Variants in VEPH1 observed in about 807,000 individuals in gnomAD.
The protein encoded by VEPH1 is ventricular zone expressed PH domain containing 1, also known as ventricular zone-expressed PH domain-containing protein homolog 1.
A neutral mutation model predicts 85.2 loss-of-function variants in VEPH1; 80 were observed. The observed-to-expected ratio is 0.94, with a 90% confidence interval of 0.78 to 1.13. The LOEUF is 1.13. Ranked by LOEUF, VEPH1 falls within the 50% of genes most tolerant of loss-of-function variation. The pLI, the probability that VEPH1 is intolerant of heterozygous loss-of-function variation, is 0.00. For synonymous variants in VEPH1, 297 were observed against 348.0 expected (o/e 0.85, Z 1.63); for missense variants, 955 against 980.5 (o/e 0.97, Z 0.35).
chr3:157,428,559 A>G, intron 4 of VEPH1, 71 bp from the exon 5 acceptor site: 2 of 1,416,258 alleles, frequency 1.4e-6, no homozygotes, highest in Middle Eastern at 1.8e-4. Context: ...ATTATTACCA[A>G]TGTAATAATA....
At chr3:157,349,335 G>A (rs545092220) in intron 9 of VEPH1, among the ~76,000 whole-genome samples, 23 of 152,226 alleles carry the variant, frequency 1.5e-4, no homozygotes, top group South Asian at 6.2e-4. Context: ...TTCAATGTCC[G>A]TTCATGATAA....
intron 11 of VEPH1, among the ~76,000 whole-genome samples, chr3:157,295,408 G>T (rs542996828): frequency 6.6e-6 from 1 of 151,440 alleles, no homozygotes; most frequent in African/African-American, 2.4e-5. Flanking sequence ...CTCCATTCTG[G>T]GCAACAGAGC....
chr3:157,410,041 G>T, intron 6 of VEPH1: 1 of 695,836 alleles, frequency 1.4e-6, no homozygotes, highest in Non-Finnish European at 1.8e-6. Flanking sequence ...CTCAAAGTTG[G>T]ATTGGCTTTT....
At chr3:157,359,580 G>T (rs73156762) in intron 9 of VEPH1, among the ~76,000 whole-genome samples, 18,737 of 152,110 alleles carry the variant, frequency 0.12, 1,527 homozygotes, top group Non-Finnish European at 0.19. Flanking sequence ...GATTCTTACT[G>T]ATCTATTTAT....
chr3:157,412,845 T>C (rs1485966007), intron 6 of VEPH1, among the ~76,000 whole-genome samples: 2 of 152,134 alleles, frequency 1.3e-5, no homozygotes, highest in African/African-American at 2.4e-5. Context: ...GGGTTCACTA[T>C]AATTCTCAGA....
intron 3 of VEPH1, among the ~76,000 whole-genome samples, chr3:157,462,137 C>T (rs1170217403): frequency 3.3e-5 from 5 of 149,336 alleles, no homozygotes; most frequent in Non-Finnish European, 5.9e-5. Context: ...AAAGAAGATG[C>T]AATCAAACAG....
chr3:157,394,573 C>G (rs1252950194), intron 6 of VEPH1, among the ~76,000 whole-genome samples: 1 of 152,124 alleles, frequency 6.6e-6, no homozygotes, highest in Non-Finnish European at 1.5e-5. Context: ...GTTCATGAAG[C>G]ATAGTTCTGC....
intron 5 of VEPH1, among the ~76,000 whole-genome samples, chr3:157,419,567 A>C (rs926716201): frequency 1.3e-5 from 2 of 152,226 alleles, no homozygotes; most frequent in Non-Finnish European, 2.9e-5. Context: ...AGACATATGA[A>C]AAAAAACTCA....
intron 6 of VEPH1, among the ~76,000 whole-genome samples, chr3:157,393,214 G>A (rs1001517691): frequency 6.6e-6 from 1 of 152,200 alleles, no homozygotes; most frequent in Non-Finnish European, 1.5e-5. Flanking sequence ...CTTATCAAGA[G>A]TTCTTGATGA....
At chr3:157,337,052 T>C (rs1466733221) in intron 9 of VEPH1, among the ~76,000 whole-genome samples, 1 of 151,798 alleles carries the variant, frequency 6.6e-6, no homozygotes, top group Non-Finnish European at 1.5e-5. Context: ...AATGCTAAAA[T>C]TTTTGGAATT....
intron 4 of VEPH1, among the ~76,000 whole-genome samples, chr3:157,438,820 A>G (rs2109208475): frequency 6.6e-6 from 1 of 152,330 alleles, no homozygotes; most frequent in African/African-American, 2.4e-5. Context: ...GTATGCCAAA[A>G]CTTCTAAGAA....
At chr3:157,311,618 T>C (rs1167428529) in intron 11 of VEPH1, among the ~76,000 whole-genome samples, 1 of 151,632 alleles carries the variant, frequency 6.6e-6, no homozygotes, top group African/African-American at 2.4e-5. Flanking sequence ...CAGTTAATTT[T>C]CCCTTAGAGA....
chr3:157,272,412 T>TTTCG (rs1414359749), intron 12 of VEPH1, among the ~76,000 whole-genome samples: 2 of 147,536 alleles, frequency 1.4e-5, no homozygotes, highest in Non-Finnish European at 3.0e-5. Context: ...TCTTTCTTTC[T>TTTCG]TTCTTTCTTT....
chr3:157,389,606 G>C (rs543016897), intron 6 of VEPH1, among the ~76,000 whole-genome samples: 2 of 151,820 alleles, frequency 1.3e-5, no homozygotes, highest in African/African-American at 2.4e-5. Context: ...TGGATGGATA[G>C]GTAAATAGAT....
intron 3 of VEPH1, among the ~76,000 whole-genome samples, chr3:157,464,158 G>A (rs1736148377): frequency 6.6e-6 from 1 of 152,114 alleles, no homozygotes; most frequent in African/African-American, 2.4e-5. Context: ...ATTCAAAAAA[G>A]TTACTTATTA....
intron 4 of VEPH1, among the ~76,000 whole-genome samples, chr3:157,436,265 G>A (rs1365571815): frequency 7.0e-6 from 1 of 142,016 alleles, no homozygotes; most frequent in Non-Finnish European, 1.6e-5. Flanking sequence ...CAACAAGAGC[G>A]AAATTCAGTC....
intron 6 of VEPH1, among the ~76,000 whole-genome samples, chr3:157,387,395 C>T (rs1441874974): frequency 6.6e-6 from 1 of 152,082 alleles, no homozygotes; most frequent in African/African-American, 2.4e-5. Flanking sequence ...TCACAATGAC[C>T]TTGCAAAATG....
chr3:157,307,858 G>T (rs1434735090), intron 11 of VEPH1, among the ~76,000 whole-genome samples: 2 of 151,268 alleles, frequency 1.3e-5, no homozygotes, highest in Non-Finnish European at 3.0e-5. Context: ...ATTAATTCAG[G>T]TCTTTAAAAT....
At chr3:157,357,539 C>A (rs1282381469) in intron 9 of VEPH1, among the ~76,000 whole-genome samples, 3 of 151,702 alleles carry the variant, frequency 2.0e-5, no homozygotes, top group Non-Finnish European at 4.4e-5. Flanking sequence ...GTTGCCCAGG[C>A]TGGAGTGCAG....
Sources: gnomAD v4.1 joint callset for allele counts (sites outside exome capture counted in the v4.1 genomes callset) on GRCh38, gnomAD v4.1.1 for gene constraint, MANE v1.5 for transcripts, NCBI Gene and HGNC (gene_info 2026-07-23, HGNC 2026-07-21) for gene names.